The following HORMAD2 variants were observed in gnomAD, a reference collection of about 807,000 sequenced individuals.
HORMAD2 encodes the protein HORMA domain-containing protein 2.
HORMAD2 carries 45 observed loss-of-function variants against 38.8 expected under a neutral mutation model. The observed-to-expected ratio is 1.16, with a 90% CI of 0.91 to 1.49. The LOEUF is 1.49. Among genes scored for constraint, HORMAD2 ranks in the 40% most tolerant of loss-of-function variants. The pLI is 0.00. For synonymous variants in HORMAD2, 126 were observed against 122.8 expected (o/e 1.03, Z -0.17); for missense variants, 338 against 367.0 (o/e 0.92, Z 0.65).
In HORMAD2 at chr22:30,123,537, G is replaced by C. The variant is rs531528147; in HGVS notation, c.819+1323G>C. ...TTTTTGTAGAGACAAGGGTCTCACT[G>C]TTACCAGGGCTGGTCTTAAACTCCT... On this transcript the variant is annotated intron_variant, in intron 10 of 10. Transcript: ENST00000336726. 2.0e-5 allele frequency among the ~76,000 whole-genome samples: 3 copies of C among 152,012 alleles called. No individual in the cohort carries two copies. The South Asian group carries it at 6.2e-4, about 32-fold the overall frequency.
intron 5 of HORMAD2, among the ~76,000 whole-genome samples, chr22:30,106,726 C>G (rs560540672): frequency 9.2e-5 from 14 of 152,128 alleles, no homozygotes; most frequent in Non-Finnish European, 1.5e-4. Context: ...CCTGTGTGAC[C>G]TTTGGCACGT....
At chr22:30,135,087 A>G (rs1923564415) in intron 10 of HORMAD2, among the ~76,000 whole-genome samples, 1 of 151,506 alleles carries the variant, frequency 6.6e-6, no homozygotes, top group Non-Finnish European at 1.5e-5. Flanking sequence ...GTCTGGCTCC[A>G]AAACTCATAC....
Position 30,176,284 on chromosome 22 carries a change from G to T in HORMAD2, c.*117G>T. The T allele has an allele frequency of 1.3e-6, 1 of 762,100 alleles. No homozygotes were observed. 47.2% of individuals were successfully genotyped at this position (762,100 alleles called of 1,614,324 possible). On this transcript the variant is annotated 3_prime_UTR_variant, in exon 11 of 11. Transcript: ENST00000336726. ...ACCAAAACCTTTTTCTAAATTTTTTGCTCAATTTTTTTTGTCAGTTGCTAA... is the reference window on the plus strand; with the variant it reads ...ACCAAAACCTTTTTCTAAATTTTTTTCTCAATTTTTTTTGTCAGTTGCTAA...
intron 10 of HORMAD2, among the ~76,000 whole-genome samples, chr22:30,141,326 T>A (rs1049208887): frequency 4.6e-5 from 7 of 152,150 alleles, no homozygotes; most frequent in Admixed American, 1.3e-4. Context: ...ATCCATTGGT[T>A]ATTAGGAGTA....
intron 7 of HORMAD2, among the ~76,000 whole-genome samples, chr22:30,113,123 A>G (rs1159949601): frequency 6.6e-6 from 1 of 152,046 alleles, no homozygotes; most frequent in Non-Finnish European, 1.5e-5. Flanking sequence ...CTCTTTGGCT[A>G]TTTGGTCTAT....
At chr22:30,175,421 CTCTA>C (rs1295280193) in intron 10 of HORMAD2, among the ~76,000 whole-genome samples, 1 of 148,520 alleles carries the variant, frequency 6.7e-6, no homozygotes, top group Admixed American at 6.8e-5. Context: ...TATAAATGTC[CTCTA>C]TCTGTTTTTT....
chr22:30,173,598 C>T, intron 10 of HORMAD2, among the ~76,000 whole-genome samples: 1 of 152,192 alleles, frequency 6.6e-6, no homozygotes, highest in East Asian at 1.9e-4. Flanking sequence ...TTTGGGCAGA[C>T]TGCACTTGAG....
the HORMAD2 span, among the ~76,000 whole-genome samples, chr22:30,186,759 A>G: frequency 1.3e-5 from 2 of 152,252 alleles, no homozygotes; most frequent in East Asian, 1.9e-4. Context: ...CAAGGCTATC[A>G]ACTCTTGGGC....
the HORMAD2 span, among the ~76,000 whole-genome samples, chr22:30,189,807 T>TC: frequency 6.6e-6 from 1 of 152,080 alleles, no homozygotes; most frequent in African/African-American, 2.4e-5. Context: ...TCTTCAGGGC[T>TC]CCTCTCCTGA....
chr22:30,193,090 A>G, the HORMAD2 span, among the ~76,000 whole-genome samples: 1 of 152,228 alleles, frequency 6.6e-6, no homozygotes, highest in Non-Finnish European at 1.5e-5. Flanking sequence ...CTGAAATACA[A>G]TAGTTATAAA....
At chr22:30,162,359 G>A (rs1925499497) in intron 10 of HORMAD2, among the ~76,000 whole-genome samples, 1 of 150,990 alleles carries the variant, frequency 6.6e-6, no homozygotes, top group Admixed American at 6.6e-5. Context: ...ACGATATGTT[G>A]TTTAATACAG....
chr22:30,188,497 A>C, the HORMAD2 span, among the ~76,000 whole-genome samples: 7 of 152,168 alleles, frequency 4.6e-5, no homozygotes, highest in Admixed American at 4.6e-4. Flanking sequence ...AGTGAAGAGG[A>C]GGGCCAAGGG....
In HORMAD2 at chr22:30,085,145, C is replaced by CAA. The variant is rs745529780; in HGVS notation, c.-38+4667_-38+4668dup. Among the ~76,000 whole-genome samples, 23 of 105,926 alleles carry CAA rather than the reference C, an allele frequency of 2.2e-4. No individual in the cohort carries two copies. In the East Asian group the frequency reaches 3.8e-3, roughly 18 times the overall value. 69.5% of individuals were successfully genotyped at this position (105,926 alleles called of 152,430 possible). ...TGGGCAACAGAGCCAGACTCCGTCT[C>CAA]AAAAAAAAAAAAAATGAGCTAAACA... On this transcript the variant is annotated intron_variant, in intron 1 of 10. Coordinates refer to ENST00000336726, the MANE Select transcript of HORMAD2 (RefSeq NM_152510.4).
chr22:30,205,432 T>C, the HORMAD2 span, among the ~76,000 whole-genome samples: 1 of 152,084 alleles, frequency 6.6e-6, no homozygotes, highest in Admixed American at 6.5e-5. Flanking sequence ...GCTACCTCGT[T>C]TCGCAGACGG....
chr22:30,169,911 A>G (rs898318151), intron 10 of HORMAD2, among the ~76,000 whole-genome samples: 2 of 152,178 alleles, frequency 1.3e-5, no homozygotes, highest in Non-Finnish European at 2.9e-5. Flanking sequence ...CTGGTGTTGG[A>G]CATAAGTATT....
chr22:30,189,590 C>G, the HORMAD2 span, among the ~76,000 whole-genome samples: 5 of 152,080 alleles, frequency 3.3e-5, no homozygotes, highest in Admixed American at 6.6e-5. Flanking sequence ...TATGGAGGAC[C>G]TGATCTGAGT....
chr22:30,156,843 A>G (rs1004957428), intron 10 of HORMAD2, among the ~76,000 whole-genome samples: 3 of 152,244 alleles, frequency 2.0e-5, no homozygotes, highest in Admixed American at 1.3e-4. Context: ...ACTGCTGCAG[A>G]CTACAACTTT....
intron 8 of HORMAD2, among the ~76,000 whole-genome samples, 158 bp downstream of exon 8, chr22:30,119,205 A>C (rs1053376397): frequency 6.6e-6 from 1 of 152,234 alleles, no homozygotes; most frequent in Non-Finnish European, 1.5e-5. Flanking sequence ...AATTGTTTAC[A>C]TTCCTGAAAT....
downstream of HORMAD2, among the ~76,000 whole-genome samples, chr22:30,179,468 C>CCCTT (rs1305868168): frequency 2.0e-5 from 3 of 152,176 alleles, no homozygotes; most frequent in African/African-American, 7.2e-5. Context: ...AAGGAGGACA[C>CCCTT]CCTTGTCTTA....
Sources: allele counts gnomAD v4.1 joint callset (sites outside exome capture counted in the v4.1 genomes callset), GRCh38; gene constraint gnomAD v4.1.1; transcripts MANE v1.5; gene names NCBI Gene and HGNC (gene_info 2026-07-23, HGNC 2026-07-21).